Variants in SMG6 observed in about 807,000 individuals in gnomAD.
SMG6 encodes telomerase-binding protein EST1A.
A neutral mutation model predicts 142.2 loss-of-function variants in SMG6; 66 were observed. The ratio of observed to expected loss-of-function variants is 0.46; its 90% CI spans 0.38 to 0.57. The LOEUF (loss-of-function observed/expected upper bound fraction) is 0.57. SMG6 is among the 20% of genes least tolerant of loss of function. The pLI is 0.00. For missense variants in SMG6, 1,793 were observed against 1,832.0 expected (o/e 0.98, Z 0.39); for synonymous variants, 779 against 702.4 (o/e 1.11, Z -1.72).
At chr17:2,247,486 T>C (rs2073950903) in intron 8 of SMG6, among the ~76,000 whole-genome samples, 1 of 152,196 alleles carries the variant, frequency 6.6e-6, no homozygotes, top group South Asian at 2.1e-4. Context: ...AAACTGGTTA[T>C]ATATAAAGGT....
At position 2,140,497 on chromosome 17, in the gene SMG6, C is replaced by T. The variant is rs528032581; in HGVS notation, c.3357+32161G>A. Among the ~76,000 whole-genome samples, 8 of 152,138 alleles carry T rather than the reference C, an allele frequency of 5.3e-5. No individual in the cohort carries two copies. In the South Asian group the frequency reaches 1.7e-3, roughly 32 times the overall value. ...CCATCCTGGCTAGCATGGTGAAATCCTGTCTCTACTAAAAATGCAAAAAAA... is the reference window on the plus strand; with the variant it reads ...CCATCCTGGCTAGCATGGTGAAATCTTGTCTCTACTAAAAATGCAAAAAAA... On this transcript the variant is annotated intron_variant, in intron 13 of 18. Coordinates refer to ENST00000263073, the MANE Select transcript of SMG6 (RefSeq NM_017575.5).
At chr17:2,190,583 C>G (rs1407295180) in intron 10 of SMG6, among the ~76,000 whole-genome samples, 2 of 152,198 alleles carry the variant, frequency 1.3e-5, no homozygotes, top group Non-Finnish European at 2.9e-5. Flanking sequence ...GGCTGCTTAA[C>G]AACAATGGGA....
chr17:2,072,821 G>A (rs922167166), intron 15 of SMG6: 5 of 152,162 alleles, frequency 3.3e-5, no homozygotes, highest in Non-Finnish European at 7.3e-5. Flanking sequence ...GAGCCTCTCT[G>A]GCCAGAGCAA....
At chr17:2,087,884 G>A (rs2068608329) in intron 13 of SMG6, 1 of 985,812 alleles carries the variant, frequency 1.0e-6, no homozygotes, top group Non-Finnish European at 1.2e-6. Flanking sequence ...TAACCACCTT[G>A]TCGTTACAGT....
chr17:2,211,634 A>G (rs910087809), intron 10 of SMG6, among the ~76,000 whole-genome samples: 8 of 148,936 alleles, frequency 5.4e-5, no homozygotes, highest in African/African-American at 2.0e-4. Flanking sequence ...AGGGCACTCC[A>G]GCCTGGGAGA....
chr17:2,245,861 G>A (rs1014167338), intron 8 of SMG6, among the ~76,000 whole-genome samples: 2 of 151,766 alleles, frequency 1.3e-5, no homozygotes, highest in South Asian at 4.2e-4. Flanking sequence ...TTAATTTTTT[G>A]TAGAGAGGAG....
chr17:2,145,775 T>A (rs868211683), intron 13 of SMG6, among the ~76,000 whole-genome samples: 4 of 147,976 alleles, frequency 2.7e-5, no homozygotes, highest in South Asian at 2.2e-4. Flanking sequence ...GAGAGGAAAA[T>A]CCATTCTTAT....
At chr17:2,065,759 C>T (rs775061989) in intron 16 of SMG6, 80 bp from the exon 17 acceptor site, 51 of 1,181,224 alleles carry the variant, frequency 4.3e-5, no homozygotes, top group Non-Finnish European at 5.7e-5. Flanking sequence ...ACTTTCCCAG[C>T]CAACACCTTC....
At chr17:2,129,793 CAAAAAA>C (rs57556112) in intron 13 of SMG6, among the ~76,000 whole-genome samples, 80 of 56,316 alleles carry the variant, frequency 1.4e-3, no homozygotes, top group African/African-American at 4.7e-3. Flanking sequence ...GGCTCTGTCT[CAAAAAA>C]AAAAAAAAAA....
chr17:2,147,136 T>TA (rs2070693376), intron 13 of SMG6, among the ~76,000 whole-genome samples: 5 of 152,208 alleles, frequency 3.3e-5, no homozygotes. Context: ...CTCACACCTG[T>TA]AATCCCAGAA....
chr17:2,303,086 A>G lies in SMG6; in HGVS notation c.88+547T>C. Reference sequence around the variant, plus strand: ...TCTCTCTAATAAAAACTGCTCCCACACATGCCAGGGCCAAACCCGAGTAGT... The same window carrying G: ...TCTCTCTAATAAAAACTGCTCCCACGCATGCCAGGGCCAAACCCGAGTAGT... On this transcript the variant is annotated intron_variant, in intron 1 of 18. Coordinates refer to ENST00000263073, the MANE Select transcript of SMG6 (RefSeq NM_017575.5). The G allele has an allele frequency of 4.1e-6, 4 of 985,412 alleles. 1 individual carries two copies. Among genetic ancestry groups the G allele is most frequent in the East Asian group, 2.3e-4 (2 of 8,808 alleles). 61.0% of individuals were successfully genotyped at this position (985,412 alleles called of 1,614,324 possible).
At chr17:2,141,761 A>T (rs2070487540) in intron 13 of SMG6, among the ~76,000 whole-genome samples, 1 of 152,176 alleles carries the variant, frequency 6.6e-6, no homozygotes, top group African/African-American at 2.4e-5. Flanking sequence ...AACTTTTTAT[A>T]GTGACTGTCT....
chr17:2,287,766 G>C (rs1439495655), intron 6 of SMG6, among the ~76,000 whole-genome samples: 1 of 152,178 alleles, frequency 6.6e-6, no homozygotes, highest in African/African-American at 2.4e-5. Flanking sequence ...TGAACCTTGA[G>C]GACCTAAGCT....
At chr17:2,252,375 G>A (rs1473231509) in intron 8 of SMG6, among the ~76,000 whole-genome samples, 1 of 150,886 alleles carries the variant, frequency 6.6e-6, no homozygotes, top group East Asian at 2.0e-4. Context: ...ATTCCAGCCT[G>A]GTGACAGAGC....
In SMG6 at chr17:2,236,701, TCACACACACACACACACACACACACA is replaced by T. The variant is rs71150853; in HGVS notation, c.2724-90_2724-65del. ...CTTTCAGTCTCTCTCTCACTCTGTCTCACACACACACACACACACACACACACACACACACACACACACACACACAC... is the reference window on the plus strand; with the variant it reads ...CTTTCAGTCTCTCTCTCACTCTGTCTCACACACACACACACACACACACAC... On this transcript the variant is annotated intron_variant, in intron 9 of 18. Transcript: ENST00000263073. The T allele has an allele frequency of 4.9e-5, 47 of 959,034 alleles. No homozygotes were observed. The Middle Eastern group carries it at 1.5e-3, about 31-fold the overall frequency. The allele number at this position is 959,034 out of a possible 1,614,324, so 59.4% of individuals were successfully genotyped here. A position where few individuals can be genotyped will look rare whatever the true frequency, so the allele number is the denominator to read the frequency against.
At chr17:2,225,065 T>C (rs1034814175) in intron 10 of SMG6, among the ~76,000 whole-genome samples, 11 of 152,192 alleles carry the variant, frequency 7.2e-5, no homozygotes, top group African/African-American at 1.9e-4. Context: ...TGAAGAATAT[T>C]TGCCTTCAAA....
intron 14 of SMG6, among the ~76,000 whole-genome samples, chr17:2,084,420 A>T (rs1055195985): frequency 9.9e-5 from 15 of 152,132 alleles, no homozygotes; most frequent in Non-Finnish European, 1.8e-4. Flanking sequence ...GCTCAGCTTT[A>T]TCCCTGGAAC....
chr17:2,112,544 TAAATA>T (rs1410719844), intron 13 of SMG6, among the ~76,000 whole-genome samples: 1 of 147,426 alleles, frequency 6.8e-6, no homozygotes, highest in Non-Finnish European at 1.5e-5. Flanking sequence ...AATAAATAAA[TAAATA>T]AATAAATAAA....
chr17:2,183,399 CACTA>C (rs1293805324), intron 12 of SMG6, among the ~76,000 whole-genome samples: 5 of 152,242 alleles, frequency 3.3e-5, no homozygotes, highest in Middle Eastern at 3.4e-3. Flanking sequence ...CACACAGTGA[CACTA>C]ACACAAAGAA....
Sources: gnomAD v4.1 joint callset for allele counts (sites outside exome capture counted in the v4.1 genomes callset) on GRCh38, gnomAD v4.1.1 for gene constraint, MANE v1.5 for transcripts, NCBI Gene and HGNC (gene_info 2026-07-23, HGNC 2026-07-21) for gene names.